Variants in CSMD1 observed in about 807,000 individuals in gnomAD.
The protein encoded by CSMD1 is CUB and sushi domain-containing protein 1.
Under a neutral mutation model 417.5 loss-of-function variants are expected in CSMD1, and 213 were observed. The observed-to-expected ratio is 0.51, with a 90% CI of 0.46 to 0.57. The LOEUF is 0.57. Ranked by LOEUF, CSMD1 falls within the 20% of genes least tolerant of loss-of-function variation. CSMD1 has a pLI of 0.00. For missense variants in CSMD1, 6,923 were observed against 4,529.7 expected (o/e 1.53, Z -15.17); for synonymous variants, 2,862 against 1,736.8 (o/e 1.65, Z -16.11).
At chr8:3,206,792 A>G (rs985425193) in intron 30 of CSMD1, among the ~76,000 whole-genome samples, 11 of 152,134 alleles carry the variant, frequency 7.2e-5, no homozygotes, top group Non-Finnish European at 1.0e-4. Flanking sequence ...AATGAAAAAC[A>G]CTGTACACAG....
chr8:4,409,575 A>G (rs1796530644), intron 3 of CSMD1, among the ~76,000 whole-genome samples: 1 of 152,242 alleles, frequency 6.6e-6, no homozygotes, highest in South Asian at 2.1e-4. Context: ...ACACTTCAGC[A>G]GGGATGAATT....
At chr8:3,061,825 C>G (rs1010115573) in intron 49 of CSMD1, among the ~76,000 whole-genome samples, 1 of 152,158 alleles carries the variant, frequency 6.6e-6, no homozygotes, top group Admixed American at 6.5e-5. Flanking sequence ...TAACACCCTA[C>G]AAGATAGACT....
At chr8:4,724,894 G>C (rs960405390) in intron 1 of CSMD1, among the ~76,000 whole-genome samples, 8 of 151,964 alleles carry the variant, frequency 5.3e-5, no homozygotes, top group Non-Finnish European at 8.8e-5. Flanking sequence ...ACTATAATAT[G>C]AATGAAACAA....
At chr8:3,241,303 C>T (rs933444458) in intron 26 of CSMD1, among the ~76,000 whole-genome samples, 2 of 150,828 alleles carry the variant, frequency 1.3e-5, no homozygotes, top group Admixed American at 6.6e-5. Context: ...GCCGTCAATA[C>T]CCACAACAGT....
chr8:3,500,095 C>CT (rs1286920725), intron 10 of CSMD1, among the ~76,000 whole-genome samples: 1 of 152,032 alleles, frequency 6.6e-6, no homozygotes, highest in African/African-American at 2.4e-5. Context: ...ATCGGGAGTC[C>CT]TTTTTTGGCA....
At chr8:3,151,154 C>A in intron 40 of CSMD1, 1 of 397,894 alleles carries the variant, frequency 2.5e-6, no homozygotes, top group Non-Finnish European at 4.5e-6. Flanking sequence ...ACTTCGTATG[C>A]CTACTATATC....
At chr8:3,164,152 T>A (rs866278600) in intron 37 of CSMD1, among the ~76,000 whole-genome samples, 4 of 152,192 alleles carry the variant, frequency 2.6e-5, no homozygotes, top group African/African-American at 4.8e-5. Context: ...GTACCGTGAT[T>A]GTTCATTTGA....
chr8:4,412,139 T>C lies in CSMD1; in HGVS notation c.415+7814A>G, dbSNP rs150978820. 5.8e-3 allele frequency among the ~76,000 whole-genome samples: 882 copies of C among 152,190 alleles called. 32 individuals are homozygous for C. The East Asian group carries it at 0.093, about 16-fold the overall frequency. ...TGTTTAGCCAGGGCAAATGATTAGCTAAATATCTCAATGTGCCTCTGATAT... is the reference window on the plus strand; with the variant it reads ...TGTTTAGCCAGGGCAAATGATTAGCCAAATATCTCAATGTGCCTCTGATAT... On this transcript the variant is annotated intron_variant, in intron 3 of 69. Transcript: ENST00000635120.
intron 10 of CSMD1, among the ~76,000 whole-genome samples, chr8:3,511,873 C>T (rs1012605301): frequency 6.7e-6 from 1 of 149,982 alleles, no homozygotes; most frequent in African/African-American, 2.5e-5. Flanking sequence ...CAATTTATCG[C>T]CACAGAATTT....
At chr8:3,065,292 T>C (rs1267333560) in intron 49 of CSMD1, among the ~76,000 whole-genome samples, 2 of 138,838 alleles carry the variant, frequency 1.4e-5, no homozygotes, top group Non-Finnish European at 3.1e-5. Context: ...CATAGATAGA[T>C]AGATAGATAG....
chr8:4,397,524 T>TGGACTC (rs1491142766), intron 3 of CSMD1, among the ~76,000 whole-genome samples: 13 of 39,598 alleles, frequency 3.3e-4, no homozygotes, highest in Admixed American at 7.3e-4. Context: ...CCTGAGACTC[T>TGGACTC]TTTTTTTTTT....
intron 2 of CSMD1, among the ~76,000 whole-genome samples, chr8:4,549,006 C>G (rs1219501225): frequency 1.3e-5 from 2 of 152,080 alleles, no homozygotes; most frequent in Non-Finnish European, 2.9e-5. Flanking sequence ...CCAAGTTTAT[C>G]AGATTATGAG....
chr8:3,209,869 G>A (rs1019938185), intron 30 of CSMD1, among the ~76,000 whole-genome samples: 6 of 151,970 alleles, frequency 3.9e-5, no homozygotes, highest in Non-Finnish European at 5.9e-5. Context: ...TATACATCTC[G>A]TACATAAAAG....
At position 4,267,508 on chromosome 8, in the gene CSMD1, G is replaced by T. The variant is rs944469530; in HGVS notation, c.415+152445C>A. On this transcript the variant is annotated intron_variant, in intron 3 of 69. Coordinates refer to ENST00000635120, the MANE Select transcript of CSMD1 (RefSeq NM_033225.6). ...ATTAAAGTCTTCATATCTAAACGCA[G>T]TAAGTATTGATCCCAGCTACACTGC... 2.0e-5 allele frequency among the ~76,000 whole-genome samples: 3 copies of T among 151,632 alleles called. No individual in the cohort carries two copies. The East Asian group carries it at 5.8e-4, about 29-fold the overall frequency.
At chr8:3,967,112 G>C (rs537095958) in intron 5 of CSMD1, among the ~76,000 whole-genome samples, 1 of 152,060 alleles carries the variant, frequency 6.6e-6, no homozygotes, top group African/African-American at 2.4e-5. Context: ...GATTTTCATA[G>C]AGAAACGGAC....
At chr8:3,631,694 G>T (rs951468929) in intron 7 of CSMD1, among the ~76,000 whole-genome samples, 1 of 152,210 alleles carries the variant, frequency 6.6e-6, no homozygotes, top group Non-Finnish European at 1.5e-5. Flanking sequence ...TCGTCAGACG[G>T]AGGGAAGAAA....
chr8:4,785,386 C>T (rs575482932), intron 1 of CSMD1, among the ~76,000 whole-genome samples: 1 of 152,198 alleles, frequency 6.6e-6, no homozygotes, highest in African/African-American at 2.4e-5. Context: ...GGAAGAGGTA[C>T]CTCAGTTCAG....
At chr8:4,078,740 G>A (rs947591836) in intron 3 of CSMD1, among the ~76,000 whole-genome samples, 7 of 149,664 alleles carry the variant, frequency 4.7e-5, no homozygotes, top group African/African-American at 1.7e-4. Context: ...GGCAACCCTT[G>A]TATTTAAATT....
rs751854500 is a variant in CSMD1 at position 3,280,003 on chromosome 8, G to A, written c.4153+4141C>T. Among the ~76,000 whole-genome samples, 6 of 152,262 alleles carry A rather than the reference G, an allele frequency of 3.9e-5. No homozygotes were observed. The South Asian group carries it at 6.2e-4, about 16-fold the overall frequency. On this transcript the variant is annotated intron_variant, in intron 26 of 69. Coordinates refer to ENST00000635120, the MANE Select transcript of CSMD1 (RefSeq NM_033225.6). ...TTACTTGGAATTAGTACAGAGATCCGGAAAGAGATGGTCAATGCAGCAGCT... is the reference window on the plus strand; with the variant it reads ...TTACTTGGAATTAGTACAGAGATCCAGAAAGAGATGGTCAATGCAGCAGCT...
Sources: allele counts gnomAD v4.1 joint callset (sites outside exome capture counted in the v4.1 genomes callset), GRCh38; gene constraint gnomAD v4.1.1; transcripts MANE v1.5; gene names NCBI Gene and HGNC (gene_info 2026-07-23, HGNC 2026-07-21).